FSTL4: variants seen among roughly 807,000 people sequenced by gnomAD.
FSTL4 encodes the protein follistatin-related protein 4.
In FSTL4, 28 loss-of-function variants were observed where a neutral mutation model predicts 78.2. That is an observed-to-expected ratio of 0.36 (90% CI 0.27 to 0.49). The LOEUF (loss-of-function observed/expected upper bound fraction) is 0.49. FSTL4 is among the 20% of genes least tolerant of loss of function. FSTL4 has a pLI of 0.98. For missense variants in FSTL4, 922 were observed against 1,084.9 expected (o/e 0.85, Z 2.11); for synonymous variants, 422 against 440.5 (o/e 0.96, Z 0.53).
At chr5:133,240,596 G>T (rs1751834760) in intron 7 of FSTL4, among the ~76,000 whole-genome samples, 1 of 152,208 alleles carries the variant, frequency 6.6e-6, no homozygotes, top group Non-Finnish European at 1.5e-5. Context: ...TGGCTGACTT[G>T]GGTGTCCTCT....
intron 1 of FSTL4, among the ~76,000 whole-genome samples, chr5:133,609,300 A>G (rs1761039874): frequency 6.6e-6 from 1 of 151,762 alleles, no homozygotes; most frequent in South Asian, 2.1e-4. Flanking sequence ...GGTGTGTAGC[A>G]TTTCATACAT....
At chr5:133,787,948 C>A in the FSTL4 span, among the ~76,000 whole-genome samples, 2 of 152,334 alleles carry the variant, frequency 1.3e-5, no homozygotes, top group Admixed American at 6.5e-5. Context: ...TAGCATGGAG[C>A]CTGGAACTTA....
At chr5:133,466,373 T>C (rs992725567) in intron 3 of FSTL4, among the ~76,000 whole-genome samples, 7 of 152,022 alleles carry the variant, frequency 4.6e-5, no homozygotes, top group Admixed American at 1.3e-4. Flanking sequence ...AAACCCCGTC[T>C]CTACTAAAAA....
intron 14 of FSTL4, among the ~76,000 whole-genome samples, chr5:133,204,059 C>A (rs1581521770): frequency 1.3e-5 from 2 of 152,148 alleles, no homozygotes; most frequent in African/African-American, 4.8e-5. Context: ...TCAGGATATG[C>A]CCATCAGTTG....
the FSTL4 span, among the ~76,000 whole-genome samples, chr5:133,629,794 C>T: frequency 7.2e-5 from 11 of 152,132 alleles, no homozygotes; most frequent in Admixed American, 7.2e-4. Flanking sequence ...AAAGCTTATC[C>T]ACCACGATCA....
chr5:133,833,546 A>T, the FSTL4 span, among the ~76,000 whole-genome samples: 3 of 152,192 alleles, frequency 2.0e-5, no homozygotes, highest in East Asian at 5.8e-4. Context: ...GGGTATTTAC[A>T]TTCATCCTGG....
intron 3 of FSTL4, among the ~76,000 whole-genome samples, chr5:133,553,120 C>T (rs1408251255): frequency 6.6e-6 from 1 of 152,200 alleles, no homozygotes; most frequent in African/African-American, 2.4e-5. Flanking sequence ...CCAGGGGGCG[C>T]GGGAGAGAGG....
intron 3 of FSTL4, among the ~76,000 whole-genome samples, chr5:133,562,764 T>C (rs26366): frequency 1 from 152,220 of 152,310 alleles, 76,066 homozygotes; most frequent in Middle Eastern, 1. Context: ...TTACAGATCG[T>C]CCTATGCTCC....
chr5:133,750,232 A>G, the FSTL4 span, among the ~76,000 whole-genome samples: 1 of 152,204 alleles, frequency 6.6e-6, no homozygotes, highest in Admixed American at 6.5e-5. Context: ...CTGGTAGGCA[A>G]CCTGACCTAC....
chr5:133,638,613 C>T, the FSTL4 span, among the ~76,000 whole-genome samples: 10 of 152,170 alleles, frequency 6.6e-5, no homozygotes, highest in Non-Finnish European at 1.2e-4. Flanking sequence ...TTCTGACCAG[C>T]CTCCCTAAAA....
chr5:133,243,530 C>T (rs1751942631), intron 7 of FSTL4, among the ~76,000 whole-genome samples: 1 of 152,152 alleles, frequency 6.6e-6, no homozygotes, highest in South Asian at 2.1e-4. Context: ...CAGACAGCCC[C>T]ACAGCAAAGA....
intron 6 of FSTL4, among the ~76,000 whole-genome samples, chr5:133,259,518 CTTTTTT>C (rs3976227): frequency 2.4e-5 from 3 of 126,394 alleles, no homozygotes; most frequent in Non-Finnish European, 3.3e-5. Context: ...ATTTTTTTTT[CTTTTTT>C]TTTTTTTTTT....
chr5:133,811,030 C>G, the FSTL4 span, among the ~76,000 whole-genome samples: 1 of 152,092 alleles, frequency 6.6e-6, no homozygotes, highest in African/African-American at 2.4e-5. Flanking sequence ...GCTCCCATAC[C>G]GTCACTATCT....
rs146373170 is a variant in FSTL4, at chr5:133,393,882, C to T, written c.409+6856G>A. On this transcript the variant is annotated intron_variant, in intron 4 of 15. Coordinates refer to ENST00000265342, the MANE Select transcript of FSTL4 (RefSeq NM_015082.2). The stretch of plus-strand genomic sequence containing the variant: ...AATGACCTGCGGAGCAGGGAAGCCC[C>T]GCCCAGCAGTGGCACACGAGGCCCT... Among the ~76,000 whole-genome samples, 349 of 152,390 alleles carry T rather than the reference C, an allele frequency of 2.3e-3. 2 individuals carry two copies. The highest frequency in any genetic ancestry group is 2.9e-3 in the East Asian group (15 of 5,188).
chr5:133,471,142 C>G (rs2112848514), intron 3 of FSTL4, among the ~76,000 whole-genome samples: 1 of 152,286 alleles, frequency 6.6e-6, no homozygotes, highest in East Asian at 1.9e-4. Context: ...TTATTTTGTT[C>G]ATCATGGATT....
the FSTL4 span, among the ~76,000 whole-genome samples, chr5:133,707,394 C>G: frequency 1.3e-5 from 2 of 152,186 alleles, no homozygotes; most frequent in Admixed American, 6.5e-5. Flanking sequence ...AAAGGTCAAT[C>G]AATCACTCCA....
upstream of FSTL4, among the ~76,000 whole-genome samples, chr5:133,616,442 C>T (rs1355621956): frequency 6.6e-6 from 1 of 151,984 alleles, no homozygotes; most frequent in African/African-American, 2.4e-5. Context: ...TACTCTGTCA[C>T]CCAGGCTGGA....
chr5:133,788,298 G>A, the FSTL4 span, among the ~76,000 whole-genome samples: 37 of 152,292 alleles, frequency 2.4e-4, no homozygotes, highest in East Asian at 3.9e-4. Context: ...ACCACTCTTC[G>A]CTTCGGTTTC....
the FSTL4 span, among the ~76,000 whole-genome samples, chr5:133,815,885 G>A: frequency 1.2e-4 from 18 of 152,270 alleles, no homozygotes; most frequent in East Asian, 7.7e-4. Flanking sequence ...CCAGATTCCC[G>A]TAGGGTTGAC....
Sources: gnomAD v4.1 joint callset for allele counts (sites outside exome capture counted in the v4.1 genomes callset) on GRCh38, gnomAD v4.1.1 for gene constraint, MANE v1.5 for transcripts, NCBI Gene and HGNC (gene_info 2026-07-23, HGNC 2026-07-21) for gene names.